The following HDAC9 variants were observed in gnomAD, a reference collection of about 807,000 sequenced individuals.
HDAC9 encodes histone deacetylase 9, also known as MEF-2 interacting transcription repressor (MITR) protein.
A neutral mutation model predicts 139.4 loss-of-function variants in HDAC9; 41 were observed. The observed-to-expected ratio is 0.29, with a 90% confidence interval of 0.23 to 0.38. The LOEUF is 0.38. Among genes scored for constraint, HDAC9 ranks in the 10% least tolerant of loss-of-function variants. The pLI, the probability that HDAC9 is intolerant of heterozygous loss-of-function variation, is 1.00. For missense variants in HDAC9, 1,147 were observed against 1,297.0 expected, an observed-to-expected ratio of 0.88 and a Z score of 1.78; for synonymous variants, 517 against 476.2, an observed-to-expected ratio of 1.09 and a Z score of -1.12.
intron 1 of HDAC9, among the ~76,000 whole-genome samples, chr7:18,473,316 A>C (rs1015427756): frequency 1.9e-4 from 29 of 152,178 alleles, no homozygotes; most frequent in African/African-American, 7.0e-4. Flanking sequence ...AAACCTTAGC[A>C]CCAGGCATGC....
chr7:18,386,763 A>G (rs916060100), intron 1 of HDAC9, among the ~76,000 whole-genome samples: 2 of 152,240 alleles, frequency 1.3e-5, no homozygotes. Context: ...ACTCGTATTC[A>G]GTCCTCAGAG....
chr7:18,541,585 C>T (rs938803529), intron 2 of HDAC9, among the ~76,000 whole-genome samples: 1 of 152,096 alleles, frequency 6.6e-6, no homozygotes, highest in African/African-American at 2.4e-5. Context: ...TATTTGCTTG[C>T]AAGCATTGTG....
Position 18,694,090 on chromosome 7 carries a change from A to G in HDAC9, c.1731+27614A>G, listed in dbSNP as rs146257617. On this transcript the variant is annotated intron_variant, in intron 12 of 25. Coordinates refer to ENST00000686413, the MANE Select transcript of HDAC9 (RefSeq NM_178425.4). ...GTATTTTGCAAGTGAAAACAGCACTAAGTCAAGCTTGTGAAATAAAGACCA... is the reference window on the plus strand; with the variant it reads ...GTATTTTGCAAGTGAAAACAGCACTGAGTCAAGCTTGTGAAATAAAGACCA... Among the ~76,000 whole-genome samples, 596 of 152,272 alleles carry G rather than the reference A, an allele frequency of 3.9e-3. 3 individuals carry two copies. The highest frequency in any genetic ancestry group is 0.02 in the Middle Eastern group (6 of 294).
intron 1 of HDAC9, among the ~76,000 whole-genome samples, chr7:18,130,281 A>G (rs1214300276): frequency 2.0e-5 from 3 of 152,104 alleles, no homozygotes; most frequent in Non-Finnish European, 2.9e-5. Flanking sequence ...TGCTCAACCT[A>G]TATAATGCTC....
intron 12 of HDAC9, among the ~76,000 whole-genome samples, chr7:18,710,025 C>G (rs1018812451): frequency 6.6e-6 from 1 of 152,144 alleles, no homozygotes; most frequent in Non-Finnish European, 1.5e-5. Context: ...CTTAAAGTTC[C>G]ACGTGGCTGA....
Position 18,653,750 on chromosome 7 carries a change from TGC to T in HDAC9, c.1467+5068_1467+5069del, listed in dbSNP as rs199710460. ...AGGCATGAATATAATTATGCTCAAA[TGC>T]TGGATCTGAGCAAATGGAGAGCTTT... On this transcript the variant is annotated intron_variant, in intron 11 of 25. Transcript: ENST00000686413. Among the ~76,000 whole-genome samples the T allele has an allele frequency of 4.2e-3, 635 of 152,318 alleles. 2 individuals are homozygous for T. The highest frequency in any genetic ancestry group is 0.015 in the African/African-American group (613 of 41,582).
At chr7:18,215,983 G>A (rs984251707) in intron 2 of HDAC9, among the ~76,000 whole-genome samples, 4 of 151,872 alleles carry the variant, frequency 2.6e-5, no homozygotes, top group Non-Finnish European at 5.9e-5. Flanking sequence ...TCTTCACTAT[G>A]GCTTCTCTCG....
intron 11 of HDAC9, among the ~76,000 whole-genome samples, chr7:18,664,317 A>C (rs908688262): frequency 6.6e-6 from 1 of 152,088 alleles, no homozygotes; most frequent in Admixed American, 6.5e-5. Flanking sequence ...TTCATATTCA[A>C]ATTTCTTCAT....
At chr7:18,735,324 G>C (rs571871991) in intron 13 of HDAC9, among the ~76,000 whole-genome samples, 88 of 152,274 alleles carry the variant, frequency 5.8e-4, no homozygotes, top group Non-Finnish European at 1.1e-3. Context: ...CCTATGGCCT[G>C]AATGGTATTG....
intron 2 of HDAC9, among the ~76,000 whole-genome samples, chr7:18,551,981 T>A (rs1252426485): frequency 6.6e-6 from 1 of 152,242 alleles, no homozygotes; most frequent in Admixed American, 6.5e-5. Context: ...ATTATCAGCA[T>A]CTTCTATAGA....
chr7:18,719,327 CTTCCT>C (rs1376895241), intron 12 of HDAC9, among the ~76,000 whole-genome samples: 4 of 85,294 alleles, frequency 4.7e-5, no homozygotes, highest in African/African-American at 1.9e-4. Flanking sequence ...ATTTTTTTCT[CTTCCT>C]TTTTTTTTTT....
At chr7:18,427,048 G>T (rs938430436) in intron 1 of HDAC9, among the ~76,000 whole-genome samples, 1 of 152,052 alleles carries the variant, frequency 6.6e-6, no homozygotes, top group African/African-American at 2.4e-5. Context: ...CTTCTCTGTA[G>T]GAGCTCAACT....
chr7:18,666,608 T>G, intron 12 of HDAC9, 132 bp downstream of exon 12: 1 of 1,479,764 alleles, frequency 6.8e-7, no homozygotes, highest in East Asian at 2.5e-5. Flanking sequence ...GTTCAGTGTT[T>G]AAGGATTCTA....
rs180887659 is a variant in HDAC9, at chr7:18,114,256, C to T, written c.-97+27043C>T. Among the ~76,000 whole-genome samples the T allele has an allele frequency of 2.6e-5, 4 of 152,306 alleles. No homozygotes were observed. The East Asian group carries it at 5.8e-4, about 22-fold the overall frequency. On this transcript the variant is annotated intron_variant, in intron 1 of 12. Transcript: ENST00000417496. ...TGTCTGGTTTAATCAAGGAAGCAAA[C>T]GCATTAGAGAGACATCCTTAGCGGA...
chr7:18,170,169 G>A (rs1252565090), intron 2 of HDAC9, among the ~76,000 whole-genome samples: 3 of 152,218 alleles, frequency 2.0e-5, no homozygotes, highest in South Asian at 4.1e-4. Flanking sequence ...GTGTGAGATG[G>A]TATCTCATTG....
At chr7:18,967,858 TAAAAAAC>T (rs144779732) in intron 24 of HDAC9, among the ~76,000 whole-genome samples, 2,804 of 152,084 alleles carry the variant, frequency 0.018, 75 homozygotes, top group African/African-American at 0.063. Context: ...TGAGGACAGT[TAAAAAAC>T]AAAAAAGAAA....
At chr7:18,237,965 G>A (rs74563344) in intron 2 of HDAC9, among the ~76,000 whole-genome samples, 22 of 152,102 alleles carry the variant, frequency 1.4e-4, no homozygotes, top group Non-Finnish European at 2.9e-4. Flanking sequence ...TCTTTTGTTT[G>A]GTCCTTAATA....
intron 1 of HDAC9, among the ~76,000 whole-genome samples, chr7:18,349,578 G>A (rs543223395): frequency 6.6e-6 from 1 of 151,816 alleles, no homozygotes; most frequent in East Asian, 1.9e-4. Context: ...TGAATTGGGG[G>A]ACATATCTGA....
intron 1 of HDAC9, among the ~76,000 whole-genome samples, chr7:18,108,682 T>A (rs1783398975): frequency 6.6e-6 from 1 of 151,236 alleles, no homozygotes; most frequent in African/African-American, 2.4e-5. Context: ...TGTTGTGATT[T>A]TGGCACACTG....
Sources: gnomAD v4.1 joint callset for allele counts (sites outside exome capture counted in the v4.1 genomes callset) on GRCh38, gnomAD v4.1.1 for gene constraint, MANE v1.5 for transcripts, NCBI Gene and HGNC (gene_info 2026-07-23, HGNC 2026-07-21) for gene names.